The following DOK6 variants were observed in gnomAD, a reference collection of about 807,000 sequenced individuals.
DOK6 encodes the protein downstream of tyrosine kinase 6.
Under a neutral mutation model 44.0 loss-of-function variants are expected in DOK6, and 22 were observed. That is an observed-to-expected ratio of 0.50 (90% CI 0.36 to 0.71). DOK6 has a LOEUF of 0.71. Ranked by LOEUF, DOK6 falls within the 30% of genes least tolerant of loss-of-function variation. The pLI, the probability that DOK6 is intolerant of heterozygous loss-of-function variation, is 0.00. For synonymous variants in DOK6, 166 were observed against 145.5 expected, an observed-to-expected ratio of 1.14 and a Z score of -1.01; for missense variants, 340 against 416.4, an observed-to-expected ratio of 0.82 and a Z score of 1.60.
At chr18:69,627,895 A>G (rs78966751) in intron 3 of DOK6, among the ~76,000 whole-genome samples, 5,363 of 152,256 alleles carry the variant, frequency 0.035, 180 homozygotes, top group East Asian at 0.2. Context: ...CTCTTTTTCA[A>G]TATCATTATC....
At chr18:69,613,114 AC>A (rs1984202230) in intron 3 of DOK6, among the ~76,000 whole-genome samples, 3 of 152,012 alleles carry the variant, frequency 2.0e-5, no homozygotes, top group African/African-American at 7.2e-5. Flanking sequence ...CAAGCCATCC[AC>A]CCGTCTCGGC....
In DOK6 at chr18:69,737,305, C is replaced by T. The variant is rs1978643900; in HGVS notation, c.600-1660C>T. On this transcript the variant is annotated intron_variant, in intron 5 of 7. Coordinates refer to ENST00000382713, the MANE Select transcript of DOK6 (RefSeq NM_152721.6). ...GTGAAACGGAAGCAGGGACCTTCTTCACATGGTGGCAGGAGAGAGAAGAGC... is the reference window on the plus strand; with the variant it reads ...GTGAAACGGAAGCAGGGACCTTCTTTACATGGTGGCAGGAGAGAGAAGAGC... 3.3e-5 allele frequency among the ~76,000 whole-genome samples: 5 copies of T among 152,162 alleles called. No homozygotes were observed. In the South Asian group the frequency reaches 1.0e-3, roughly 32 times the overall value.
chr18:69,747,949 G>A (rs144647917), intron 6 of DOK6, among the ~76,000 whole-genome samples: 27 of 152,204 alleles, frequency 1.8e-4, no homozygotes, highest in African/African-American at 6.3e-4. Flanking sequence ...CCTACCATAT[G>A]TTATACTGGT....
At chr18:69,450,880 A>G (rs1250923696) in intron 1 of DOK6, among the ~76,000 whole-genome samples, 5 of 149,762 alleles carry the variant, frequency 3.3e-5, no homozygotes, top group African/African-American at 1.2e-4. Context: ...TGTCACCACC[A>G]GGCCTGCCCT....
chr18:69,769,845 T>C lies in DOK6; in HGVS notation c.856+11972T>C, dbSNP rs117639005. Among the ~76,000 whole-genome samples, 466 of 152,248 alleles carry C rather than the reference T, an allele frequency of 3.1e-3. 3 individuals are homozygous for C. The highest frequency in any genetic ancestry group is 5.3e-3 in the Non-Finnish European group (360 of 67,994). On this transcript the variant is annotated intron_variant, in intron 7 of 7. Coordinates refer to ENST00000382713, the MANE Select transcript of DOK6 (RefSeq NM_152721.6). ...CCAGAGATCTCACCCCAGTTCAGAATTTAACAGCCATTCAATGTTCATTTA... is the reference window on the plus strand; with the variant it reads ...CCAGAGATCTCACCCCAGTTCAGAACTTAACAGCCATTCAATGTTCATTTA...
intron 1 of DOK6, among the ~76,000 whole-genome samples, chr18:69,450,713 T>A (rs1305350746): frequency 1.3e-5 from 2 of 151,094 alleles, no homozygotes; most frequent in Non-Finnish European, 3.0e-5. Flanking sequence ...GCGGATCTCT[T>A]GGCAGAAACC....
At chr18:69,756,958 A>G (rs989662966) in intron 6 of DOK6, among the ~76,000 whole-genome samples, 2 of 152,254 alleles carry the variant, frequency 1.3e-5, no homozygotes, top group Non-Finnish European at 1.5e-5. Flanking sequence ...GAGACTAAAT[A>G]AAACCATTTC....
At chr18:69,602,586 T>A (rs139845170) in intron 3 of DOK6, among the ~76,000 whole-genome samples, 150 of 152,296 alleles carry the variant, frequency 9.8e-4, no homozygotes, top group African/African-American at 3.4e-3. Context: ...TTAGTAAAAA[T>A]TTATCAATAC....
chr18:69,429,616 GATACATATATATATATATATATATATAT>G lies in DOK6; in HGVS notation c.66+28310_66+28337del, dbSNP rs1363312273. ...TTTTTCTATAAGGAAAATATTGAGG[GATACATATATATATATATATATATATAT>G]ATATATATATATATATATATCTTAT... On this transcript the variant is annotated intron_variant, in intron 1 of 7. Coordinates refer to ENST00000382713, the MANE Select transcript of DOK6 (RefSeq NM_152721.6). Among the ~76,000 whole-genome samples the G allele has an allele frequency of 2.5e-3, 193 of 78,156 alleles. 2 individuals carry two copies. The highest frequency in any genetic ancestry group is 3.8e-3 in the Non-Finnish European group (138 of 36,548). 51.3% of individuals were successfully genotyped at this position (78,156 alleles called of 152,430 possible). A position where few individuals can be genotyped will look rare whatever the true frequency, so the allele number is the denominator to read the frequency against.
intron 4 of DOK6, among the ~76,000 whole-genome samples, chr18:69,694,089 A>AAAAAAAAAAAT (rs1372739323): frequency 2.1e-5 from 3 of 144,244 alleles, no homozygotes; most frequent in Admixed American, 7.0e-5. Context: ...AAAAAAAAAA[A>AAAAAAAAAAAT]ATTGATCTAT....
At chr18:69,762,714 T>C (rs1485087523) in intron 7 of DOK6, among the ~76,000 whole-genome samples, 1 of 152,230 alleles carries the variant, frequency 6.6e-6, no homozygotes, top group Admixed American at 6.5e-5. Flanking sequence ...TTTAAATGCA[T>C]GGCGTGGTAA....
chr18:69,419,026 G>T (rs1318493379), intron 1 of DOK6, among the ~76,000 whole-genome samples: 1 of 152,092 alleles, frequency 6.6e-6, no homozygotes, highest in Non-Finnish European at 1.5e-5. Flanking sequence ...AATGAGGTTT[G>T]TATAAGCTAC....
At chr18:69,446,415 C>T (rs1979293358) in intron 1 of DOK6, among the ~76,000 whole-genome samples, 1 of 152,002 alleles carries the variant, frequency 6.6e-6, no homozygotes, top group Non-Finnish European at 1.5e-5. Context: ...CATAGTATTC[C>T]ATGGTGTATA....
intron 3 of DOK6, among the ~76,000 whole-genome samples, chr18:69,616,670 T>C (rs958092885): frequency 1.3e-5 from 2 of 152,232 alleles, no homozygotes; most frequent in Non-Finnish European, 2.9e-5. Context: ...TAATTCCTTA[T>C]TTTTGTACAT....
chr18:69,800,756 C>T (rs1003703977), intron 7 of DOK6, among the ~76,000 whole-genome samples: 1 of 152,114 alleles, frequency 6.6e-6, no homozygotes, highest in Non-Finnish European at 1.5e-5. Flanking sequence ...TTGGACACTG[C>T]ACAGATTAGA....
chr18:69,559,275 T>C (rs540830117), intron 1 of DOK6, among the ~76,000 whole-genome samples: 50 of 152,130 alleles, frequency 3.3e-4, no homozygotes, highest in African/African-American at 1.1e-3. Flanking sequence ...AGCAAGTATG[T>C]GTATTTACAT....
intron 5 of DOK6, among the ~76,000 whole-genome samples, chr18:69,721,613 T>C (rs776169252): frequency 1.1e-4 from 16 of 152,264 alleles, no homozygotes; most frequent in Non-Finnish European, 2.2e-4. Context: ...TTTTCCTCTC[T>C]GTGTCTTGAC....
chr18:69,646,227 T>C (rs1383090765), intron 3 of DOK6, among the ~76,000 whole-genome samples: 1 of 152,200 alleles, frequency 6.6e-6, no homozygotes, highest in Non-Finnish European at 1.5e-5. Flanking sequence ...TTTTTTCTTC[T>C]TCAGGGATTC....
Position 69,407,311 on chromosome 18 carries a change from C to T in DOK6, c.66+6001C>T, listed in dbSNP as rs533059301. Among the ~76,000 whole-genome samples the T allele has an allele frequency of 7.9e-5, 12 of 152,210 alleles. 1 individual carries two copies. Among genetic ancestry groups the T allele is most frequent in the African/African-American group, 2.9e-4 (12 of 41,536 alleles). On this transcript the variant is annotated intron_variant, in intron 1 of 7. Coordinates refer to ENST00000382713, the MANE Select transcript of DOK6 (RefSeq NM_152721.6). ...AAAATTGAAATTATCTGTAGTCCCA[C>T]CATTTAAAGATAATCTCTAGATTCA...
Sources: gnomAD v4.1 joint callset for allele counts (sites outside exome capture counted in the v4.1 genomes callset) on GRCh38, gnomAD v4.1.1 for gene constraint, MANE v1.5 for transcripts, NCBI Gene and HGNC (gene_info 2026-07-23, HGNC 2026-07-21) for gene names.